The following ACAP2 variants were observed in gnomAD, a reference collection of about 807,000 sequenced individuals.
ACAP2 encodes the protein arf-GAP with coiled-coil, ANK repeat and PH domain-containing protein 2.
In ACAP2, 39 loss-of-function variants were observed where a neutral mutation model predicts 115.8. The ratio of observed to expected loss-of-function variants is 0.34; its 90% CI spans 0.26 to 0.44. The LOEUF (loss-of-function observed/expected upper bound fraction) is 0.44. ACAP2 is among the 20% of genes least tolerant of loss of function. The probability of loss-of-function intolerance (pLI) is 1.00; values close to 1 mark genes in which losing one functional copy is unlikely to be tolerated. For missense variants in ACAP2, 662 were observed against 927.6 expected (o/e 0.71, Z 3.72); for synonymous variants, 289 against 315.8 (o/e 0.92, Z 0.90).
intron 1 of ACAP2, among the ~76,000 whole-genome samples, chr3:195,436,119 GTATA>G (rs145050136): frequency 7.9e-6 from 1 of 126,914 alleles, no homozygotes. Context: ...ACATATATAT[GTATA>G]TATATATATA....
At chr3:195,370,400 T>C (rs1275891457) in intron 4 of ACAP2, among the ~76,000 whole-genome samples, 1 of 152,194 alleles carries the variant, frequency 6.6e-6, no homozygotes, top group Non-Finnish European at 1.5e-5. Flanking sequence ...CTTTAATCCA[T>C]CTTGAGTTGA....
chr3:195,399,716 T>C (rs763208581), intron 1 of ACAP2, among the ~76,000 whole-genome samples: 4 of 152,018 alleles, frequency 2.6e-5, no homozygotes, highest in South Asian at 2.1e-4. Context: ...AGGAGTATAA[T>C]TGAAAAAGCA....
intron 1 of ACAP2, among the ~76,000 whole-genome samples, chr3:195,405,349 A>T (rs933212019): frequency 1.3e-5 from 2 of 152,138 alleles, no homozygotes. Flanking sequence ...TAATTTCATC[A>T]ACTGTTAAGG....
chr3:195,308,618 A>G (rs1312144834), intron 11 of ACAP2, among the ~76,000 whole-genome samples, 168 bp downstream of exon 11: 2 of 152,192 alleles, frequency 1.3e-5, no homozygotes, highest in African/African-American at 2.4e-5. Context: ...TAAGAATTAA[A>G]TGTTGATATT....
intron 1 of ACAP2, among the ~76,000 whole-genome samples, chr3:195,392,498 C>T (rs1734745460): frequency 2.0e-5 from 3 of 152,156 alleles, no homozygotes; most frequent in Non-Finnish European, 2.9e-5. Context: ...GATAACAAAA[C>T]ACATGCAACC....
intron 7 of ACAP2, 182 bp downstream of exon 7, chr3:195,336,750 C>A (rs1730534723): frequency 3.3e-6 from 2 of 605,756 alleles, no homozygotes; most frequent in Non-Finnish European, 2.9e-6. Flanking sequence ...GACACACAAA[C>A]AACTGTAACA....
chr3:195,325,504 C>A, intron 9 of ACAP2: 2 of 392,952 alleles, frequency 5.1e-6, no homozygotes, highest in East Asian at 7.6e-5. Context: ...TCATAATAAG[C>A]AAAAAATAGC....
chr3:195,361,944 A>G (rs1732400968), intron 4 of ACAP2, among the ~76,000 whole-genome samples: 1 of 152,202 alleles, frequency 6.6e-6, no homozygotes, highest in African/African-American at 2.4e-5. Flanking sequence ...TCCTAGACAC[A>G]TACAGCCTAC....
intron 4 of ACAP2, 95 bp downstream of exon 4, chr3:195,380,914 T>C: frequency 9.2e-7 from 1 of 1,089,458 alleles, no homozygotes; most frequent in South Asian, 1.5e-5. Context: ...CAAAGCCATG[T>C]AATTCCCTTT....
intron 5 of ACAP2, among the ~76,000 whole-genome samples, chr3:195,343,214 T>G (rs1730987711): frequency 1.3e-5 from 2 of 152,090 alleles, no homozygotes; most frequent in African/African-American, 4.8e-5. Context: ...TACAGAAACA[T>G]AAAGTTAATT....
In ACAP2 at chr3:195,353,080, T is replaced by TAAAAA. The variant is rs530794501; in HGVS notation, c.286-7768_286-7764dup. On this transcript the variant is annotated intron_variant, in intron 4 of 22. Transcript: ENST00000326793. ...GGATGACAGAGTGAGACTCTGTCTT[T>TAAAAA]AAAAAAAAAAAAAAAAAAGGCATTG... 6.0e-5 allele frequency among the ~76,000 whole-genome samples: 8 copies of TAAAAA among 134,070 alleles called. 2 individuals carry two copies. Among genetic ancestry groups the TAAAAA allele is most frequent in the African/African-American group, 8.3e-5 (3 of 36,138 alleles). The allele number at this position is 134,070 out of a possible 152,430, so 88.0% of individuals were successfully genotyped here.
At chr3:195,305,297 C>A (rs78747691) in intron 13 of ACAP2, among the ~76,000 whole-genome samples, 3,289 of 152,194 alleles carry the variant, frequency 0.022, 117 homozygotes, top group East Asian at 0.1. Context: ...AAATACAGAG[C>A]AACTGGAGAG....
At chr3:195,393,167 C>G (rs929483781) in intron 1 of ACAP2, among the ~76,000 whole-genome samples, 3 of 152,040 alleles carry the variant, frequency 2.0e-5, no homozygotes, top group Admixed American at 6.6e-5. Context: ...AAGACCCTGT[C>G]TCTACAAAAA....
chr3:195,355,850 A>C (rs1347655773), intron 4 of ACAP2, among the ~76,000 whole-genome samples: 1 of 152,224 alleles, frequency 6.6e-6, no homozygotes, highest in Non-Finnish European at 1.5e-5. Flanking sequence ...TTGTAGTTTC[A>C]AGTCCTTGTG....
intron 1 of ACAP2, among the ~76,000 whole-genome samples, chr3:195,430,586 A>G (rs1182386653): frequency 3.9e-5 from 6 of 152,050 alleles, no homozygotes; most frequent in Admixed American, 3.9e-4. Context: ...ATAGTGGTTC[A>G]CGCCTATAAT....
At chr3:195,402,352 G>A (rs1712379882) in intron 1 of ACAP2, among the ~76,000 whole-genome samples, 1 of 151,898 alleles carries the variant, frequency 6.6e-6, no homozygotes, top group East Asian at 1.9e-4. Context: ...CCAATCTGCT[G>A]TGCCCTCTCC....
intron 2 of ACAP2, among the ~76,000 whole-genome samples, chr3:195,384,363 C>T (rs1734147406): frequency 1.3e-5 from 2 of 152,168 alleles, no homozygotes; most frequent in African/African-American, 4.8e-5. Flanking sequence ...TAGAACAGTG[C>T]TAATATTTTT....
chr3:195,350,622 C>A (rs550314000), intron 4 of ACAP2, among the ~76,000 whole-genome samples: 1 of 149,588 alleles, frequency 6.7e-6, no homozygotes, highest in Non-Finnish European at 1.5e-5. Flanking sequence ...GCACTCTAGC[C>A]CAGAAAACAA....
At chr3:195,297,122 A>C in intron 16 of ACAP2, 68 bp downstream of exon 16, 1 of 1,358,150 alleles carries the variant, frequency 7.4e-7, no homozygotes, top group South Asian at 1.2e-5. Context: ...GTTATATATC[A>C]ATTACTACAG....
Sources: allele counts gnomAD v4.1 joint callset (sites outside exome capture counted in the v4.1 genomes callset), GRCh38; gene constraint gnomAD v4.1.1; transcripts MANE v1.5; gene names NCBI Gene and HGNC (gene_info 2026-07-23, HGNC 2026-07-21).